Variants in TOP1MT observed in about 807,000 individuals in gnomAD.
TOP1MT encodes DNA topoisomerase I mitochondrial.
A neutral mutation model predicts 73.9 loss-of-function variants in TOP1MT; 80 were observed. The observed-to-expected ratio is 1.08, with a 90% CI of 0.90 to 1.30. The LOEUF (loss-of-function observed/expected upper bound fraction) is 1.30, where lower values mean the gene tolerates loss of function less well. Ranked by LOEUF, TOP1MT falls within the 50% of genes most tolerant of loss-of-function variation. The pLI, the probability that TOP1MT is intolerant of heterozygous loss-of-function variation, is 0.00. For synonymous variants in TOP1MT, 338 were observed against 326.4 expected (o/e 1.04, Z -0.38); for missense variants, 815 against 808.0 (o/e 1.01, Z -0.10).
In TOP1MT at chr8:143,334,760, C is replaced by A; in HGVS notation, c.102G>T (p.Thr34=). 6.3e-7 allele frequency: 1 copy of A among 1,597,278 alleles called. No individual in the cohort carries two copies. Among genetic ancestry groups the A allele is most frequent in the Non-Finnish European group, 8.5e-7 (1 of 1,173,374 alleles). Residue 34 remains threonine, a synonymous_variant, in exon 1 of 14, where the codon ACG becomes ACT. Coordinates refer to ENST00000329245, the MANE Select transcript of TOP1MT (RefSeq NM_052963.3). ...CTTACCTGGCTCCACTGCCCTTCTG[C>A]GTCCTGCGCGAGCCCGGGACACCCC... ...ASRGVPGSRR[T]QKGSGARWEK...
chr8:143,320,119 G>A lies in TOP1MT; in HGVS notation c.1146+1082C>T, dbSNP rs185905644. 5.9e-5 allele frequency among the ~76,000 whole-genome samples: 9 copies of A among 151,352 alleles called. No individual in the cohort carries two copies. The East Asian group carries it at 1.4e-3, about 23-fold the overall frequency. Reference sequence around the variant, plus strand: ...AGCCTGAGCAACAGTGCGAGACACCGTCTTGAAAAAAGAAAAAAAATTTAA... The same window carrying A: ...AGCCTGAGCAACAGTGCGAGACACCATCTTGAAAAAAGAAAAAAAATTTAA... On this transcript the variant is annotated intron_variant, in intron 8 of 13. Coordinates refer to ENST00000329245, the MANE Select transcript of TOP1MT (RefSeq NM_052963.3).
At chr8:143,327,737 C>G (rs1374296465) in intron 3 of TOP1MT, 2 of 429,208 alleles carry the variant, frequency 4.7e-6, no homozygotes, top group South Asian at 1.7e-5. Context: ...ACAAAGCTGT[C>G]GTGAAAGGCA....
upstream of TOP1MT, among the ~76,000 whole-genome samples, chr8:143,356,934 A>T (rs1310394536): frequency 6.6e-6 from 1 of 151,616 alleles, no homozygotes; most frequent in Non-Finnish European, 1.5e-5. Flanking sequence ...TCTACTAAAA[A>T]ATAGAAAAAA....
At chr8:143,325,227 TG>T (rs1267676763) in intron 5 of TOP1MT, 118 bp downstream of exon 5, 3 of 950,846 alleles carry the variant, frequency 3.2e-6, no homozygotes, top group African/African-American at 1.7e-5. Flanking sequence ...AGGAATGGTG[TG>T]GGGGTCACCA....
chr8:143,349,257 G>A (rs573235474), upstream of TOP1MT, among the ~76,000 whole-genome samples: 1 of 152,104 alleles, frequency 6.6e-6, no homozygotes, highest in East Asian at 1.9e-4. Context: ...AGAGTCGAGG[G>A]ACCCAGGAAA....
upstream of TOP1MT, among the ~76,000 whole-genome samples, chr8:143,337,837 C>T (rs1429191738): frequency 1.3e-5 from 2 of 152,174 alleles, no homozygotes; most frequent in African/African-American, 4.8e-5. Flanking sequence ...TAAAGATCGG[C>T]CCGGACCTAA....
upstream of TOP1MT, among the ~76,000 whole-genome samples, chr8:143,338,130 T>C (rs1193038775): frequency 1.3e-5 from 2 of 152,206 alleles, no homozygotes; most frequent in Non-Finnish European, 2.9e-5. Flanking sequence ...AGGTTTTGTC[T>C]GCAACGTGTC....
chr8:143,322,399 T>C (rs1283178046), intron 7 of TOP1MT, among the ~76,000 whole-genome samples: 5 of 22,760 alleles, frequency 2.2e-4, no homozygotes, highest in East Asian at 2.6e-3. Context: ...GCCACACACA[T>C]GCTCACCACA....
intron 7 of TOP1MT, among the ~76,000 whole-genome samples, chr8:143,322,551 C>CAG (rs201289870): frequency 2.2e-5 from 2 of 92,118 alleles, no homozygotes; most frequent in Non-Finnish European, 4.7e-5. Context: ...GCCACACACA[C>CAG]GCACGCCACA....
At chr8:143,312,813 G>T (rs946374560) in intron 12 of TOP1MT, among the ~76,000 whole-genome samples, 2 of 152,232 alleles carry the variant, frequency 1.3e-5, no homozygotes, top group Non-Finnish European at 2.9e-5. Flanking sequence ...CTAAGGGCCA[G>T]GCATGTTGGC....
upstream of TOP1MT, among the ~76,000 whole-genome samples, chr8:143,345,710 G>C (rs532221983): frequency 3.9e-5 from 6 of 152,340 alleles, no homozygotes; most frequent in South Asian, 1.2e-3. Context: ...ACAGAGAAGA[G>C]ATAAAGTAAT....
intron 4 of TOP1MT, 99 bp from the exon 5 acceptor site, chr8:143,325,632 T>A: frequency 8.6e-7 from 1 of 1,156,466 alleles, no homozygotes; most frequent in Non-Finnish European, 1.2e-6. Flanking sequence ...TCTGTCTGGC[T>A]AACTCAGCTG....
At position 143,321,213 on chromosome 8, in the gene TOP1MT, C is replaced by T. The variant is rs576527377; in HGVS notation, c.1134G>A (p.Pro378=). The part of the protein sequence containing the change: ...KDCIRYYNRV[P]VEKPVYKNLQ... ...CGAGGGCACTCACCGGCTTCTCCAC[C>T]GGCACTCTGTTGTAGTAGCGGATGC... is the stretch of plus-strand genomic sequence containing the variant. Residue 378 remains proline, a synonymous_variant, in exon 8 of 14, where the codon CCG becomes CCA. Transcript: ENST00000329245. 18 of 1,598,388 alleles carry T rather than the reference C, an allele frequency of 1.1e-5. No homozygotes were observed. The African/African-American group carries it at 1.5e-4, about 13-fold the overall frequency.
upstream of TOP1MT, among the ~76,000 whole-genome samples, chr8:143,348,418 C>T (rs1215660345): frequency 6.6e-6 from 1 of 152,166 alleles, no homozygotes; most frequent in Non-Finnish European, 1.5e-5. This position sits in a 1 kb window ranked among gnomAD's most constrained non-coding sequence, Gnocchi z 4.6. Context: ...CTCCATGTGA[C>T]CCTGTGGCCC....
chr8:143,317,861 A>G (rs1350340339), intron 9 of TOP1MT, 24 bp from the exon 10 acceptor site: 2 of 1,612,222 alleles, frequency 1.2e-6, no homozygotes, highest in South Asian at 1.1e-5. Context: ...TGGTCTCTAT[A>G]ATTACGTGGT....
In TOP1MT at chr8:143,309,389, A is replaced by G; in HGVS notation, c.*52T>C. 1 of 1,575,988 alleles carries G rather than the reference A, an allele frequency of 6.3e-7. No individual in the cohort carries two copies. Among genetic ancestry groups the G allele is most frequent in the Non-Finnish European group, 8.7e-7 (1 of 1,151,404 alleles). ...TACAAAATTCCCCAGTACTGCTTTAATAGTGAAAAAAACACACACACATAC... is the reference window on the plus strand; with the variant it reads ...TACAAAATTCCCCAGTACTGCTTTAGTAGTGAAAAAAACACACACACATAC... On this transcript the variant is annotated 3_prime_UTR_variant, in exon 14 of 14. Coordinates refer to ENST00000329245, the MANE Select transcript of TOP1MT (RefSeq NM_052963.3).
intron 12 of TOP1MT, 23 bp from the exon 13 acceptor site, chr8:143,310,240 CGAGG>C (rs1815974709): frequency 1.3e-6 from 2 of 1,483,604 alleles, no homozygotes; most frequent in African/African-American, 2.8e-5. Context: ...GAGGAGGCCG[CGAGG>C]CCCCGCGCTG....
Position 143,321,605 on chromosome 8 carries a change from C to T in TOP1MT, c.961-219G>A, listed in dbSNP as rs1264691355. Among the ~76,000 whole-genome samples, 767 of 120,076 alleles carry T rather than the reference C, an allele frequency of 6.4e-3. 32 individuals are homozygous for T. The highest frequency in any genetic ancestry group is 0.011 in the Non-Finnish European group (604 of 57,504). 78.8% of individuals were successfully genotyped at this position (120,076 alleles called of 152,430 possible). ...GCACGCCACACGCACGCACGCCACACGCACGCACGCCACACGCACGCCACA... is the reference window on the plus strand; with the variant it reads ...GCACGCCACACGCACGCACGCCACATGCACGCACGCCACACGCACGCCACA... On this transcript the variant is annotated intron_variant, in intron 7 of 13. Coordinates refer to ENST00000329245, the MANE Select transcript of TOP1MT (RefSeq NM_052963.3).
chr8:143,341,923 A>T lies in TOP1MT; in HGVS notation c.29+1297T>A, dbSNP rs189149356. The stretch of plus-strand genomic sequence containing the variant: ...AGAGTCTCACTCTGTTATTATTATT[A>T]TTATTGAGACAGAGTCTCGCTCTGT... On this transcript the variant is annotated intron_variant, in intron 2 of 5. Transcript: ENST00000518007. The surrounding 1 kb of genome is among the most constrained non-coding windows in gnomAD (Gnocchi z 4.1). Among the ~76,000 whole-genome samples the T allele has an allele frequency of 2.7e-3, 407 of 151,516 alleles. 3 individuals are homozygous for T. The highest frequency in any genetic ancestry group is 0.01 in the Middle Eastern group (3 of 294).
Sources: gnomAD v4.1 joint callset for allele counts (sites outside exome capture counted in the v4.1 genomes callset) on GRCh38, gnomAD v4.1.1 for gene constraint, Gnocchi (gnomAD v3.1) non-coding constraint, MANE v1.5 for transcripts, NCBI Gene and HGNC (gene_info 2026-07-23, HGNC 2026-07-21) for gene names.